The following PGAP1 variants were observed in gnomAD, a reference collection of about 807,000 sequenced individuals.
PGAP1 encodes the protein GPI inositol-deacylase.
A neutral mutation model predicts 127.0 loss-of-function variants in PGAP1; 76 were observed. That is an observed-to-expected ratio of 0.60 (90% confidence interval 0.50 to 0.72). The LOEUF is 0.72. Among genes scored for constraint, PGAP1 ranks in the 30% least tolerant of loss-of-function variants. The pLI is 0.00. For missense variants in PGAP1, 982 were observed against 1,071.3 expected, an observed-to-expected ratio of 0.92 and a Z score of 1.16; for synonymous variants, 362 against 366.5, an observed-to-expected ratio of 0.99 and a Z score of 0.14.
intron 20 of PGAP1, among the ~76,000 whole-genome samples, chr2:196,857,793 A>G (rs1411366130): frequency 1.3e-5 from 2 of 152,250 alleles, no homozygotes; most frequent in Non-Finnish European, 2.9e-5. Flanking sequence ...ACATCTGCCC[A>G]GCAACTGCCT....
intron 20 of PGAP1, among the ~76,000 whole-genome samples, chr2:196,859,753 G>A (rs766289415): frequency 5.3e-5 from 8 of 152,078 alleles, no homozygotes; most frequent in East Asian, 1.9e-4. Flanking sequence ...AAATGGAATC[G>A]AGAAGTATAA....
intron 1 of PGAP1, among the ~76,000 whole-genome samples, chr2:196,921,885 G>A (rs758895134): frequency 1.6e-4 from 25 of 152,088 alleles, no homozygotes; most frequent in Non-Finnish European, 3.1e-4. Context: ...TCCAGGCAGA[G>A]TTCAAGTTGA....
intron 5 of PGAP1, among the ~76,000 whole-genome samples, chr2:196,898,641 C>T (rs1187424824): frequency 6.6e-6 from 1 of 152,174 alleles, no homozygotes; most frequent in Non-Finnish European, 1.5e-5. Context: ...AAAGCAACCA[C>T]AGACTCCTAA....
At position 196,916,459 on chromosome 2, in the gene PGAP1, A is replaced by G; in HGVS notation, c.436T>C (p.Phe146Leu). The change falls in exon 3 of 27, where the codon TTT (phenylalanine) becomes CTT (leucine). Residue 146 changes from phenylalanine (F) to leucine (L), a missense_variant. By Grantham distance (22) the Phe-to-Leu change is conservative. Coordinates refer to ENST00000354764, the MANE Select transcript of PGAP1 (RefSeq NM_024989.4). ...ATTGTTTTAATACATTCATGTACAA[A>G]CTTGGTCTGCTTCTGAAGACTTCCA... ...YGGSLQKQTK[F>L]VHECIKTILK... 6.2e-7 allele frequency: 1 copy of G among 1,613,286 alleles called. No individual in the cohort carries two copies. The highest frequency in any genetic ancestry group is 8.5e-7 in the Non-Finnish European group (1 of 1,179,678).
At chr2:196,866,679 C>G (rs1042405702) in intron 19 of PGAP1, among the ~76,000 whole-genome samples, 4 of 152,058 alleles carry the variant, frequency 2.6e-5, no homozygotes, top group Non-Finnish European at 5.9e-5. Flanking sequence ...TCAGAGTGAA[C>G]AGGCAACCTA....
chr2:196,845,357 T>C (rs1700527702), intron 23 of PGAP1, among the ~76,000 whole-genome samples: 1 of 151,844 alleles, frequency 6.6e-6, no homozygotes, highest in South Asian at 2.1e-4. Context: ...CCTGGATTTT[T>C]TTTTTTTTCT....
In PGAP1 at chr2:196,887,672, T is replaced by C. The variant is rs532693303; in HGVS notation, c.1174-1792A>G. 3.9e-5 allele frequency among the ~76,000 whole-genome samples: 6 copies of C among 152,288 alleles called. No individual in the cohort carries two copies. In the South Asian group the frequency reaches 8.3e-4, roughly 21 times the overall value. On this transcript the variant is annotated intron_variant, in intron 10 of 26. Coordinates refer to ENST00000354764, the MANE Select transcript of PGAP1 (RefSeq NM_024989.4). ...TGATATACTAAGCCCTCAGGGAAAA[T>C]GATGAATCAGGCAGACATAGTCTCT...
At chr2:196,856,744 T>C (rs966021539) in intron 20 of PGAP1, among the ~76,000 whole-genome samples, 1 of 152,224 alleles carries the variant, frequency 6.6e-6, no homozygotes, top group South Asian at 2.1e-4. Context: ...CTTCATATCA[T>C]GAGACCCTTA....
chr2:196,894,956 A>G (rs1702226467), intron 7 of PGAP1, among the ~76,000 whole-genome samples: 1 of 152,142 alleles, frequency 6.6e-6, no homozygotes, highest in East Asian at 1.9e-4. Context: ...CCTTATCACC[A>G]TGCTTAGGAC....
At chr2:196,918,993 A>C (rs550873201) in intron 2 of PGAP1, among the ~76,000 whole-genome samples, 1 of 152,058 alleles carries the variant, frequency 6.6e-6, no homozygotes, top group East Asian at 1.9e-4. Flanking sequence ...TTCCATTCTT[A>C]TCTCTTTTTA....
intron 18 of PGAP1, 82 bp downstream of exon 18, chr2:196,872,359 T>C: frequency 1.1e-6 from 1 of 918,124 alleles, no homozygotes; most frequent in South Asian, 1.7e-5. Flanking sequence ...CATGCCACCA[T>C]ATATCTGAAG....
intron 25 of PGAP1, among the ~76,000 whole-genome samples, 187 bp downstream of exon 25, chr2:196,843,701 C>T (rs1437304317): frequency 6.6e-6 from 1 of 151,932 alleles, no homozygotes; most frequent in Non-Finnish European, 1.5e-5. Context: ...TGCACTCCAC[C>T]TGGGCAACAA....
intron 19 of PGAP1, among the ~76,000 whole-genome samples, chr2:196,865,843 G>C (rs1054984936): frequency 2.6e-5 from 4 of 151,964 alleles, no homozygotes; most frequent in Admixed American, 6.6e-5. Flanking sequence ...GACAAACAGA[G>C]AGCCAAATCA....
intron 1 of PGAP1, among the ~76,000 whole-genome samples, chr2:196,926,111 G>A (rs1388538959): frequency 1.3e-5 from 2 of 152,104 alleles, no homozygotes; most frequent in Non-Finnish European, 2.9e-5. Context: ...AGGGAGAAGG[G>A]TTGAGGCTGC....
At chr2:196,849,746 G>A (rs754494608) in intron 20 of PGAP1, among the ~76,000 whole-genome samples, 2 of 152,160 alleles carry the variant, frequency 1.3e-5, no homozygotes, top group Non-Finnish European at 2.9e-5. Flanking sequence ...GAGTGGAGGG[G>A]ATTTATGGAC....
rs114297432 is a variant in PGAP1 at position 196,920,047 on chromosome 2, G to A, written c.251C>T (p.Thr84Met). Reference protein sequence around the residue: ...YAEEHKILPLTGIPVLFLPGN... With the variant: ...YAEEHKILPLMGIPVLFLPGN... ...AGGAAGAAAGAGAACTGGAATACCC[G>A]TCAAAGGGAGAATTTTGTGTTCTTC... Residue 84 changes from threonine to methionine, a missense_variant, in exon 2 of 27, where the codon ACG becomes ATG. Physicochemically the swap from Thr to Met is moderately conservative, Grantham distance 81. Coordinates refer to ENST00000354764, the MANE Select transcript of PGAP1 (RefSeq NM_024989.4). The A allele has an allele frequency of 7.6e-5, 122 of 1,612,964 alleles. No individual in the cohort carries two copies. The highest frequency in any genetic ancestry group is 1.5e-4 in the African/African-American group (11 of 74,952).
At chr2:196,889,702 A>C (rs1228662738) in intron 10 of PGAP1, among the ~76,000 whole-genome samples, 2 of 149,094 alleles carry the variant, frequency 1.3e-5, no homozygotes, top group Non-Finnish European at 3.0e-5. Context: ...TAAAAAAAAT[A>C]GAAAAAATTA....
Position 196,847,035 on chromosome 2 carries a change from T to A in PGAP1, c.2118A>T (p.Arg706Ser). 4 of 1,613,474 alleles carry A rather than the reference T, an allele frequency of 2.5e-6. No individual in the cohort carries two copies. The highest frequency in any genetic ancestry group is 3.4e-6 in the Non-Finnish European group (4 of 1,179,674). Residue 706 changes from arginine to serine, a missense_variant, in exon 22 of 27, where the codon AGA (arginine) becomes AGT (serine). Physicochemically the swap from Arg to Ser is moderately radical, Grantham distance 110. Transcript: ENST00000354764. ...AAGCTAGCCACAATGAAGAAAGAAG[T>A]CTCACAGATGCAGAAGACAGTAGGC... is the stretch of plus-strand genomic sequence containing the variant. The part of the protein sequence containing the change: ...WSGLLSSASV[R>S]LLSSLWLALK...
intron 12 of PGAP1, 22 bp from the exon 13 acceptor site, chr2:196,880,175 C>T: frequency 1.5e-6 from 2 of 1,351,486 alleles, no homozygotes; most frequent in South Asian, 1.4e-5. Context: ...AAAAAAGAAA[C>T]TACTTTTATT....
Sources: gnomAD v4.1 joint callset for allele counts (sites outside exome capture counted in the v4.1 genomes callset) on GRCh38, gnomAD v4.1.1 for gene constraint, MANE v1.5 for transcripts, NCBI Gene and HGNC (gene_info 2026-07-23, HGNC 2026-07-21) for gene names.